Variants in CTNNB1 observed in about 807,000 individuals in gnomAD.
CTNNB1 encodes the protein catenin beta-1.
CTNNB1 carries 6 observed loss-of-function variants against 82.5 expected under a neutral mutation model. That is an observed-to-expected ratio of 0.07 (90% CI 0.04 to 0.14). CTNNB1 has a LOEUF of 0.14. Ranked by LOEUF, CTNNB1 falls within the 10% of genes least tolerant of loss-of-function variation. The pLI is 1.00. For synonymous variants in CTNNB1, 312 were observed against 329.7 expected (o/e 0.95, Z 0.58); for missense variants, 529 against 980.4 (o/e 0.54, Z 6.15).
Position 41,203,020 on chromosome 3 carries a change from T to G in CTNNB1, c.-49+3350T>G, listed in dbSNP as rs1023257228. On this transcript the variant is annotated intron_variant, in intron 1 of 14. Coordinates refer to ENST00000349496, the MANE Select transcript of CTNNB1 (RefSeq NM_001904.4). ...AAGTCAATCACATTAGGAACCCATT[T>G]TTAGGGTTTAGCCACTTTTTTTTTT... Among the ~76,000 whole-genome samples, 20 of 138,456 alleles carry G rather than the reference T, an allele frequency of 1.4e-4. No individual in the cohort carries two copies. In the South Asian group the frequency reaches 2.8e-3, roughly 20 times the overall value. The allele number at this position is 138,456 out of a possible 152,430, so 90.8% of individuals were successfully genotyped here. A position where few individuals can be genotyped will look rare whatever the true frequency, so the allele number is the denominator to read the frequency against.
chr3:41,235,517 T>TG, intron 10 of CTNNB1: 1 of 638,038 alleles, frequency 1.6e-6, no homozygotes, highest in South Asian at 1.8e-5. Context: ...GCACTGTGTA[T>TG]GGGGGAGGGG....
chr3:41,210,959 T>TA (rs923788170), intron 1 of CTNNB1: 18 of 448,990 alleles, frequency 4.0e-5, no homozygotes, highest in Admixed American at 3.3e-4. Context: ...CCTGGCTAAT[T>TA]AAAAAAAATT....
chr3:41,207,415 T>G (rs2077673893), intron 1 of CTNNB1, among the ~76,000 whole-genome samples: 1 of 152,200 alleles, frequency 6.6e-6, no homozygotes, highest in Admixed American at 6.5e-5. Flanking sequence ...TGAAAAGATC[T>G]AAGACAGAAG....
Position 41,239,582 on chromosome 3 carries a change from A to G in CTNNB1, c.*240A>G. ...TATTAACTTTAATGTTTTTTGCCAC[A>G]GCTTTTGCAACTTAATACTCAAATG... On this transcript the variant is annotated 3_prime_UTR_variant, in exon 15 of 15. Transcript: ENST00000349496. The G allele has an allele frequency of 5.4e-6, 3 of 555,660 alleles. No homozygotes were observed. The highest frequency in any genetic ancestry group is 9.7e-6 in the Non-Finnish European group (3 of 309,064). 34.4% of individuals were successfully genotyped at this position (555,660 alleles called of 1,614,324 possible).
chr3:41,216,896 C>G (rs962022087), intron 1 of CTNNB1, among the ~76,000 whole-genome samples: 2 of 152,040 alleles, frequency 1.3e-5, no homozygotes, highest in Non-Finnish European at 2.9e-5. Context: ...CACCATCCCC[C>G]GCTCACCTGG....
At chr3:41,208,837 G>A (rs908329320) in intron 1 of CTNNB1, among the ~76,000 whole-genome samples, 1 of 151,976 alleles carries the variant, frequency 6.6e-6, no homozygotes, top group African/African-American at 2.4e-5. Context: ...GTCTCTACTG[G>A]CTCTTTCCAT....
At chr3:41,215,982 T>A (rs1048303466) in intron 1 of CTNNB1, among the ~76,000 whole-genome samples, 1 of 152,202 alleles carries the variant, frequency 6.6e-6, no homozygotes, top group African/African-American at 2.4e-5. Flanking sequence ...CTTTCATTTA[T>A]CTGCAACACT....
At chr3:41,229,930 C>T (rs1253980765) in intron 7 of CTNNB1, among the ~76,000 whole-genome samples, 1 of 149,478 alleles carries the variant, frequency 6.7e-6, no homozygotes, top group Admixed American at 6.6e-5. Flanking sequence ...TACTTTTTAG[C>T]TACCAAGCAT....
intron 1 of CTNNB1, among the ~76,000 whole-genome samples, chr3:41,216,051 A>G (rs2077910908): frequency 6.6e-6 from 1 of 152,188 alleles, no homozygotes; most frequent in South Asian, 2.1e-4. Context: ...TTAGATTGAA[A>G]GGGTACATGA....
At position 41,224,024 on chromosome 3, in the gene CTNNB1, A is replaced by G. The variant is rs4135376; in HGVS notation, c.-45A>G. The G allele has an allele frequency of 2.9e-4, 461 of 1,605,480 alleles. 3 individuals carry two copies. In the African/African-American group the frequency reaches 5.4e-3, roughly 19 times the overall value. ...ACTTTTGATTAACTTTTTTTAGGGT[A>G]TTTGAAGTATACCATACAACTGTTT... is the stretch of plus-strand genomic sequence containing the variant. On this transcript the variant is annotated 5_prime_UTR_variant, in exon 2 of 15. Transcript: ENST00000349496.
Position 41,240,422 on chromosome 3 carries a change from G to GAATT in CTNNB1, c.*1083_*1086dup, listed in dbSNP as rs1207171553. ...AAATGCGGTTATAAAAAATGGTTCAGAATTAAACTTTTAATTCATTCGATT... is the reference window on the plus strand; with the variant it reads ...AAATGCGGTTATAAAAAATGGTTCAGAATTAATTAAACTTTTAATTCATTCGATT... On this transcript the variant is annotated 3_prime_UTR_variant, in exon 15 of 15. Coordinates refer to ENST00000349496, the MANE Select transcript of CTNNB1 (RefSeq NM_001904.4). 4 of 180,248 alleles carry GAATT rather than the reference G, an allele frequency of 2.2e-5. No homozygotes were observed. The highest frequency in any genetic ancestry group is 2.0e-4 in the South Asian group (1 of 5,062). The allele number at this position is 180,248 out of a possible 1,614,324, so 11.2% of individuals were successfully genotyped here. A position where few individuals can be genotyped will look rare whatever the true frequency, so the allele number is the denominator to read the frequency against.
At chr3:41,209,494 C>G (rs1304474930) in intron 1 of CTNNB1, among the ~76,000 whole-genome samples, 4 of 152,178 alleles carry the variant, frequency 2.6e-5, no homozygotes, top group Non-Finnish European at 5.9e-5. Flanking sequence ...TATCTGAATT[C>G]TCTCTGCAAA....
intron 13 of CTNNB1, chr3:41,237,697 CTTTTTTTTTT>C (rs548643863): frequency 1.4e-5 from 2 of 139,402 alleles, no homozygotes; most frequent in African/African-American, 6.2e-5. Context: ...GGCATTTTGC[CTTTTTTTTTT>C]TTTTTTTTTT....
intron 1 of CTNNB1, chr3:41,220,568 G>C (rs1188280859): frequency 1.3e-5 from 2 of 151,984 alleles, no homozygotes; most frequent in Non-Finnish European, 2.9e-5. Context: ...AAGTATTACT[G>C]GTGACAGTTA....
intron 1 of CTNNB1, among the ~76,000 whole-genome samples, chr3:41,217,098 A>G (rs1359562800): frequency 6.6e-6 from 1 of 152,102 alleles, no homozygotes; most frequent in Non-Finnish European, 1.5e-5. Flanking sequence ...CTGTCTCTTC[A>G]TGGTTCTCTG....
At chr3:41,208,166 G>A (rs1255909563) in intron 1 of CTNNB1, among the ~76,000 whole-genome samples, 1 of 152,144 alleles carries the variant, frequency 6.6e-6, no homozygotes, top group Non-Finnish European at 1.5e-5. Flanking sequence ...ATGTGGTCTG[G>A]TAACTGTTAC....
intron 1 of CTNNB1, among the ~76,000 whole-genome samples, chr3:41,203,281 A>G (rs546596914): frequency 6.6e-6 from 1 of 152,168 alleles, no homozygotes; most frequent in East Asian, 1.9e-4. Flanking sequence ...GGGAGAATCA[A>G]CTAAGAAACC....
chr3:41,224,459 A>AT, intron 2 of CTNNB1, 67 bp from the exon 3 acceptor site: 1 of 1,430,830 alleles, frequency 7.0e-7, no homozygotes, highest in Non-Finnish European at 9.7e-7. Context: ...CATATCACAG[A>AT]TTCTTTTTTT....
At chr3:41,233,198 ATG>A (rs1169664814) in intron 7 of CTNNB1, 141 bp from the exon 8 acceptor site, 12 of 751,258 alleles carry the variant, frequency 1.6e-5, no homozygotes, top group Non-Finnish European at 2.5e-5. Context: ...ATTCTAGAAA[ATG>A]AGAGGAAATC....
Sources: allele counts gnomAD v4.1 joint callset (sites outside exome capture counted in the v4.1 genomes callset), GRCh38; gene constraint gnomAD v4.1.1; transcripts MANE v1.5; gene names NCBI Gene and HGNC (gene_info 2026-07-23, HGNC 2026-07-21).